ADK: variants seen among roughly 807,000 people sequenced by gnomAD.
The protein encoded by ADK is N6,N6-dimethyladenosine kinase.
ADK carries 24 observed loss-of-function variants against 44.7 expected under a neutral mutation model. The observed-to-expected ratio is 0.54, with a 90% confidence interval of 0.39 to 0.76. The LOEUF (loss-of-function observed/expected upper bound fraction) is 0.76, where lower values mean the gene tolerates loss of function less well. Ranked by LOEUF, ADK falls within the 30% of genes least tolerant of loss-of-function variation. The pLI, the probability that ADK is intolerant of heterozygous loss-of-function variation, is 0.00. For missense variants in ADK, 321 were observed against 425.1 expected (o/e 0.76, Z 2.15); for synonymous variants, 128 against 142.6 (o/e 0.90, Z 0.73).
chr10:74,207,983 A>G (rs796587248), intron 2 of ADK, among the ~76,000 whole-genome samples: 39 of 152,250 alleles, frequency 2.6e-4, no homozygotes, highest in African/African-American at 9.4e-4. Flanking sequence ...GCTTCTCTGC[A>G]CCTAAAGTCC....
intron 3 of ADK, among the ~76,000 whole-genome samples, chr10:74,226,868 C>T (rs1014226948): frequency 6.6e-6 from 1 of 152,056 alleles, no homozygotes; most frequent in Non-Finnish European, 1.5e-5. Context: ...TATTGATGGT[C>T]TTGATATTTT....
At chr10:74,314,563 A>G in intron 3 of ADK, 104 bp from the exon 4 acceptor site, 2 of 726,866 alleles carry the variant, frequency 2.8e-6, no homozygotes, top group Non-Finnish European at 4.9e-6. Context: ...AAACAATAAA[A>G]ACATTTTACT....
chr10:74,322,238 T>C (rs950434402), intron 4 of ADK, among the ~76,000 whole-genome samples: 2 of 152,304 alleles, frequency 1.3e-5, no homozygotes, highest in African/African-American at 4.8e-5. Context: ...AATGAAGTGA[T>C]CAAAGAGAAT....
intron 4 of ADK, among the ~76,000 whole-genome samples, chr10:74,339,175 G>A (rs1037522700): frequency 2.6e-5 from 4 of 152,034 alleles, no homozygotes; most frequent in African/African-American, 7.2e-5. Flanking sequence ...TGCCCAGGCT[G>A]GTCTCAGTCT....
At chr10:74,696,113 C>T (rs151074266) in intron 10 of ADK, among the ~76,000 whole-genome samples, 2,637 of 152,140 alleles carry the variant, frequency 0.017, 70 homozygotes, top group African/African-American at 0.061. Context: ...CTCCACCTCC[C>T]GGATTCAAGC....
chr10:74,308,027 A>G (rs1840314358), intron 3 of ADK, among the ~76,000 whole-genome samples: 1 of 152,336 alleles, frequency 6.6e-6, no homozygotes, highest in Admixed American at 6.5e-5. Context: ...AAATTGGTTT[A>G]GTGAAATTTT....
At chr10:74,197,156 T>C (rs1342231254) in intron 1 of ADK, among the ~76,000 whole-genome samples, 1 of 152,214 alleles carries the variant, frequency 6.6e-6, no homozygotes, top group African/African-American at 2.4e-5. Context: ...TATATTGTGC[T>C]GATTGGCTTA....
intron 6 of ADK, among the ~76,000 whole-genome samples, chr10:74,470,648 G>T (rs978551089): frequency 3.6e-5 from 2 of 56,260 alleles, no homozygotes; most frequent in Non-Finnish European, 9.6e-5. Context: ...TCTTTCGGGG[G>T]TGAGGTGTTG....
chr10:74,607,260 T>G (rs1852357391), intron 9 of ADK, among the ~76,000 whole-genome samples: 2 of 152,210 alleles, frequency 1.3e-5, no homozygotes, highest in East Asian at 3.8e-4. Flanking sequence ...TGCATGAATT[T>G]GATCCTGTCA....
At position 74,381,494 on chromosome 10, in the gene ADK, G is replaced by A. The variant is rs1386972552; in HGVS notation, c.274-12647G>A. 2.6e-5 allele frequency among the ~76,000 whole-genome samples: 4 copies of A among 152,332 alleles called. No homozygotes were observed. The East Asian group carries it at 5.8e-4, about 22-fold the overall frequency. The stretch of plus-strand genomic sequence containing the variant: ...TTATAGTGGAAGAGAACAGCAGTCA[G>A]CAATGATGATGGAAAACTGTGGCAG... On this transcript the variant is annotated intron_variant, in intron 4 of 10. Transcript: ENST00000539909.
rs562422055 is a variant in ADK, at chr10:74,238,948, C to T, written c.194+14357C>T. 1.9e-4 allele frequency among the ~76,000 whole-genome samples: 29 copies of T among 148,930 alleles called. No homozygotes were observed. The Middle Eastern group carries it at 0.021, about 107-fold the overall frequency. ...CGATCTCAGCTCACTGCAACCTCCA[C>T]CTTCCAGTTTCAAATGATACTTATG... On this transcript the variant is annotated intron_variant, in intron 3 of 10. Coordinates refer to ENST00000539909, the MANE Select transcript of ADK (RefSeq NM_006721.4).
At chr10:74,204,460 G>A (rs376089886) in intron 2 of ADK, among the ~76,000 whole-genome samples, 1 of 151,936 alleles carries the variant, frequency 6.6e-6, no homozygotes, top group African/African-American at 2.4e-5. Context: ...TTTATATCCT[G>A]GGGATTACCC....
At chr10:74,306,529 T>C (rs1840253620) in intron 3 of ADK, among the ~76,000 whole-genome samples, 1 of 152,210 alleles carries the variant, frequency 6.6e-6, no homozygotes, top group African/African-American at 2.4e-5. Context: ...TTTAGTCAAA[T>C]TATTTTACCT....
chr10:74,358,950 T>A (rs569912580), intron 4 of ADK, among the ~76,000 whole-genome samples: 98 of 152,272 alleles, frequency 6.4e-4, no homozygotes, highest in African/African-American at 2.3e-3. Context: ...TAGGTTTTTT[T>A]AAGAGATTGG....
At chr10:74,343,199 T>G (rs923622983) in intron 4 of ADK, among the ~76,000 whole-genome samples, 2 of 152,128 alleles carry the variant, frequency 1.3e-5, no homozygotes, top group African/African-American at 4.8e-5. Flanking sequence ...AACAGTACAG[T>G]TGACCCTTGC....
intron 6 of ADK, among the ~76,000 whole-genome samples, chr10:74,404,351 A>G (rs1843832595): frequency 6.6e-6 from 1 of 152,076 alleles, no homozygotes; most frequent in African/African-American, 2.4e-5. Context: ...TTACTCAGGT[A>G]TTTATCATTT....
chr10:74,329,032 T>C (rs1242670875), intron 4 of ADK, among the ~76,000 whole-genome samples: 5 of 147,296 alleles, frequency 3.4e-5, no homozygotes, highest in African/African-American at 1.3e-4. Flanking sequence ...ATTGTGTACA[T>C]GTACCCTAGA....
chr10:74,685,820 G>C (rs574732660), intron 10 of ADK, among the ~76,000 whole-genome samples: 1 of 152,200 alleles, frequency 6.6e-6, no homozygotes, highest in South Asian at 2.1e-4. Context: ...GAGCTTCAAG[G>C]CACTGTTTAC....
chr10:74,287,164 C>T lies in ADK; in HGVS notation c.195-27503C>T, dbSNP rs562383509. On this transcript the variant is annotated intron_variant, in intron 3 of 10. Transcript: ENST00000539909. ...TATAAATGGAGTGAGTGGATATGATCGCTCAAGATAAATCTCTTGGCCGGG... is the reference window on the plus strand; with the variant it reads ...TATAAATGGAGTGAGTGGATATGATTGCTCAAGATAAATCTCTTGGCCGGG... Among the ~76,000 whole-genome samples the T allele has an allele frequency of 1.1e-4, 17 of 152,160 alleles. No individual in the cohort carries two copies. In the South Asian group the frequency reaches 1.9e-3, roughly 17 times the overall value.
Sources: gnomAD v4.1 joint callset for allele counts (sites outside exome capture counted in the v4.1 genomes callset) on GRCh38, gnomAD v4.1.1 for gene constraint, MANE v1.5 for transcripts, NCBI Gene and HGNC (gene_info 2026-07-23, HGNC 2026-07-21) for gene names.